Variants in CYSLTR1 observed in about 807,000 individuals in gnomAD.
The protein encoded by CYSLTR1 is cysteinyl leukotriene receptor 1.
Under a neutral mutation model 2.1 loss-of-function variants are expected in CYSLTR1, and 1 was observed. The ratio of observed to expected loss-of-function variants is 0.48; its 90% CI spans 0.17 to 2.28. The LOEUF (loss-of-function observed/expected upper bound fraction) is 2.28, where lower values mean the gene tolerates loss of function less well. Among genes scored for constraint, CYSLTR1 ranks in the 30% most tolerant of loss-of-function variants. CYSLTR1 has a pLI of 0.26. For synonymous variants in CYSLTR1, 110 were observed against 89.6 expected (o/e 1.23, Z -1.28); for missense variants, 299 against 250.1 (o/e 1.20, Z -1.32).
At chrX:78,315,646 G>A (rs908755862) in intron 1 of CYSLTR1, among the ~76,000 whole-genome samples, 2 of 111,434 alleles carry the variant, frequency 1.8e-5, no homozygotes, top group African/African-American at 6.5e-5. Context: ...CTATAGTTAT[G>A]GTGGCCATGA....
At chrX:78,324,360 TTTTG>T (rs760618602) in intron 1 of CYSLTR1, among the ~76,000 whole-genome samples, 295 of 112,201 alleles carry the variant, frequency 2.6e-3, no homozygotes, top group African/African-American at 8.8e-3. Flanking sequence ...CTTAGCAGTT[TTTTG>T]TTTGTTTGTT....
At chrX:78,276,581 G>A (rs189124517) in intron 2 of CYSLTR1, among the ~76,000 whole-genome samples, 20 of 110,563 alleles carry the variant, frequency 1.8e-4, no homozygotes, top group East Asian at 1.4e-3. Context: ...AGGATGTAGC[G>A]TCCATCCATC....
At chrX:78,274,102 A>ACTT (rs1921453747) in intron 2 of CYSLTR1, among the ~76,000 whole-genome samples, 2 of 111,567 alleles carry the variant, frequency 1.8e-5, no homozygotes, top group African/African-American at 6.5e-5. Context: ...TTTCAAATGA[A>ACTT]CTTGTTTTTC....
chrX:78,312,516 T>C (rs1179439743), intron 1 of CYSLTR1, among the ~76,000 whole-genome samples: 1 of 111,540 alleles, frequency 9.0e-6, no homozygotes, highest in African/African-American at 3.3e-5. Context: ...GCAAAAGAAA[T>C]TACCAACAAA....
At chrX:78,318,026 C>T (rs1923490550) in intron 1 of CYSLTR1, among the ~76,000 whole-genome samples, 1 of 112,086 alleles carries the variant, frequency 8.9e-6, no homozygotes, top group Non-Finnish European at 1.9e-5. Flanking sequence ...ACAGTAACCC[C>T]ATTACTGGGT....
At chrX:78,275,414 T>A (rs1391384463) in intron 2 of CYSLTR1, among the ~76,000 whole-genome samples, 1 of 111,112 alleles carries the variant, frequency 9.0e-6, no homozygotes, top group African/African-American at 3.3e-5. Flanking sequence ...AAATGATGAG[T>A]TCATGTCCTT....
intron 1 of CYSLTR1, among the ~76,000 whole-genome samples, chrX:78,290,227 C>T (rs1415296153): frequency 9.0e-6 from 1 of 111,671 alleles, no homozygotes; most frequent in East Asian, 2.8e-4. Context: ...GAATCCTTTC[C>T]CCATTTCTTG....
intron 1 of CYSLTR1, among the ~76,000 whole-genome samples, chrX:78,325,814 C>CT (rs1923843253): frequency 8.9e-6 from 1 of 111,816 alleles, no homozygotes; most frequent in Non-Finnish European, 1.9e-5. Flanking sequence ...CTTTATTATC[C>CT]TTTATTATTG....
At position 78,298,546 on chromosome X, in the gene CYSLTR1, G is replaced by A. The variant is rs973307813; in HGVS notation, c.-114-15006C>T. On this transcript the variant is annotated intron_variant, in intron 1 of 2. Transcript: ENST00000373304. Reference sequence around the variant, plus strand: ...CTAATGATATTTCCTTTATATATCTGGATGCTCCCTTGTTGGATGCATATA... The same window carrying A: ...CTAATGATATTTCCTTTATATATCTAGATGCTCCCTTGTTGGATGCATATA... Among the ~76,000 whole-genome samples the A allele has an allele frequency of 2.7e-5, 3 of 111,030 alleles. No individual in the cohort carries two copies. In the Admixed American group the frequency reaches 2.9e-4, roughly 11 times the overall value.
At chrX:78,278,437 G>T (rs1921694062) in intron 2 of CYSLTR1, among the ~76,000 whole-genome samples, 1 of 111,679 alleles carries the variant, frequency 9.0e-6, no homozygotes, top group South Asian at 3.7e-4. Flanking sequence ...TCTACAATGA[G>T]AATTACAAAA....
intron 1 of CYSLTR1, among the ~76,000 whole-genome samples, chrX:78,293,745 A>T (rs1241890144): frequency 9.0e-6 from 1 of 111,629 alleles, no homozygotes; most frequent in African/African-American, 3.3e-5. Context: ...TCAATCACTG[A>T]CAACCTTTCT....
Position 78,308,959 on chromosome X carries a change from C to T in CYSLTR1, c.-115+18346G>A, listed in dbSNP as rs956345202. Among the ~76,000 whole-genome samples, 37 of 111,277 alleles carry T rather than the reference C, an allele frequency of 3.3e-4. No individual in the cohort carries two copies. In the Middle Eastern group the frequency reaches 0.014, roughly 41 times the overall value. Reference sequence around the variant, plus strand: ...CAGGATTGGGCTTTGTCTACCACTGCGTTATTAATATCCTCAATTATAGGC... The same window carrying T: ...CAGGATTGGGCTTTGTCTACCACTGTGTTATTAATATCCTCAATTATAGGC... On this transcript the variant is annotated intron_variant, in intron 1 of 2. Coordinates refer to ENST00000373304, the MANE Select transcript of CYSLTR1 (RefSeq NM_006639.4).
At chrX:78,320,844 T>G (rs993075761) in intron 1 of CYSLTR1, 11 of 111,565 alleles carry the variant, frequency 9.9e-5, no homozygotes, top group Admixed American at 2.9e-4. Context: ...GTAAGTTGGA[T>G]TCCTAGGTAT....
At chrX:78,318,791 C>CG (rs1923520224) in intron 1 of CYSLTR1, 1 of 111,287 alleles carries the variant, frequency 9.0e-6, no homozygotes, top group South Asian at 3.7e-4. Flanking sequence ...AGGCATAGAA[C>CG]CTGGCAGTCA....
At chrX:78,314,327 A>G (rs1365692681) in intron 1 of CYSLTR1, among the ~76,000 whole-genome samples, 1 of 111,579 alleles carries the variant, frequency 9.0e-6, no homozygotes, top group Non-Finnish European at 1.9e-5. Flanking sequence ...TCTTCTTTGT[A>G]CTTTTCAAAA....
chrX:78,315,727 A>G (rs1005937862), intron 1 of CYSLTR1, among the ~76,000 whole-genome samples: 2 of 112,014 alleles, frequency 1.8e-5, no homozygotes, highest in Non-Finnish European at 3.8e-5. Context: ...TTGAGTGCCA[A>G]CTCAGGTGCA....
intron 1 of CYSLTR1, among the ~76,000 whole-genome samples, chrX:78,307,721 T>C (rs1923080739): frequency 9.0e-6 from 1 of 111,660 alleles, no homozygotes; most frequent in African/African-American, 3.3e-5. Flanking sequence ...GGAGGGATTT[T>C]CTGAGGAGGA....
At chrX:78,312,908 A>T (rs1276955822) in intron 1 of CYSLTR1, among the ~76,000 whole-genome samples, 1 of 112,140 alleles carries the variant, frequency 8.9e-6, no homozygotes, top group Non-Finnish European at 1.9e-5. Context: ...CAGTTTGGAG[A>T]TTTGTTGAAA....
chrX:78,284,458 T>A (rs903632563), intron 1 of CYSLTR1, among the ~76,000 whole-genome samples: 1 of 111,304 alleles, frequency 9.0e-6, no homozygotes, highest in Non-Finnish European at 1.9e-5. Context: ...TGGAGTGCAG[T>A]GGCGTGATCT....
Sources: gnomAD v4.1 joint callset for allele counts (sites outside exome capture counted in the v4.1 genomes callset) on GRCh38, gnomAD v4.1.1 for gene constraint, MANE v1.5 for transcripts, NCBI Gene and HGNC (gene_info 2026-07-23, HGNC 2026-07-21) for gene names.